Variants in CELSR1 observed in about 807,000 individuals in gnomAD.
CELSR1 encodes cadherin EGF LAG seven-pass G-type receptor 1.
CELSR1 carries 110 observed loss-of-function variants against 249.1 expected under a neutral mutation model. That is an observed-to-expected ratio of 0.44 (90% CI 0.38 to 0.52). The LOEUF is 0.52. CELSR1 is among the 20% of genes least tolerant of loss of function. CELSR1 has a pLI of 0.00. For synonymous variants in CELSR1, 2,113 were observed against 1,900.0 expected, an observed-to-expected ratio of 1.11 and a Z score of -2.92; for missense variants, 4,109 against 4,296.4, an observed-to-expected ratio of 0.96 and a Z score of 1.22.
At chr22:46,373,085 G>C (rs764709100) in intron 24 of CELSR1, 28 bp from the exon 25 acceptor site, 1 of 1,556,224 alleles carries the variant, frequency 6.4e-7, no homozygotes, top group South Asian at 1.2e-5. Context: ...GCTCAGCAAG[G>C]GCCCCTGCAT....
chr22:46,396,799 C>T lies in CELSR1; in HGVS notation c.5702-53G>A, dbSNP rs559532912. On this transcript the variant is annotated intron_variant, in intron 12 of 34. Transcript: ENST00000674500. This position sits in a 1 kb window ranked among gnomAD's most constrained non-coding sequence, Gnocchi z 6.4. Reference sequence around the variant, plus strand: ...CACCCACAATCCACGAGACCTTCCACGTTAAAATATCTGGAGCAACCTGTC... The same window carrying T: ...CACCCACAATCCACGAGACCTTCCATGTTAAAATATCTGGAGCAACCTGTC... 26 of 1,586,312 alleles carry T rather than the reference C, an allele frequency of 1.6e-5. No individual in the cohort carries two copies. The highest frequency in any genetic ancestry group is 1.7e-4 in the Middle Eastern group (1 of 6,028).
chr22:46,453,777 T>C (rs2079913681), intron 2 of CELSR1, among the ~76,000 whole-genome samples: 1 of 152,142 alleles, frequency 6.6e-6, no homozygotes, highest in African/African-American at 2.4e-5. Context: ...TGGCCGGTTA[T>C]AAACAGCAGA....
intron 28 of CELSR1, 97 bp from the exon 29 acceptor site, chr22:46,367,215 C>T: frequency 2.1e-6 from 3 of 1,454,872 alleles, no homozygotes; most frequent in Non-Finnish European, 2.8e-6. Context: ...CTTGAGTGCA[C>T]ACAACATGTC....
intron 2 of CELSR1, chr22:46,462,761 G>A (rs2080046108): frequency 3.3e-6 from 1 of 300,560 alleles, no homozygotes. Flanking sequence ...GATGTGCGCT[G>A]AGATGCAGAG....
intron 1 of CELSR1, among the ~76,000 whole-genome samples, chr22:46,504,184 C>A (rs2080491745): frequency 6.6e-6 from 1 of 152,162 alleles, no homozygotes; most frequent in African/African-American, 2.4e-5. Flanking sequence ...GATAAGCAAT[C>A]TAACTGAAAC....
intron 2 of CELSR1, among the ~76,000 whole-genome samples, chr22:46,450,032 G>T (rs1250461113): frequency 6.6e-6 from 1 of 152,062 alleles, no homozygotes; most frequent in Admixed American, 6.5e-5. Flanking sequence ...TGGAGGCAGA[G>T]CCCCAGCCCT....
At position 46,377,052 on chromosome 22, in the gene CELSR1, T is replaced by A. The variant is rs117272906; in HGVS notation, c.7584+9A>T. 0.016 allele frequency: 25,696 copies of A among 1,611,818 alleles called. 264 individuals carry two copies. Among genetic ancestry groups the A allele is most frequent in the Non-Finnish European group, 0.019 (22,841 of 1,179,582 alleles). ...CCAGACAGTGGGGAGGGGAGCAGAGTGGCCATACCGGGTTTTCCGTCTGGT... is the reference window on the plus strand; with the variant it reads ...CCAGACAGTGGGGAGGGGAGCAGAGAGGCCATACCGGGTTTTCCGTCTGGT... On this transcript the variant is annotated intron_variant, in intron 24 of 34. Transcript: ENST00000674500.
chr22:46,364,808 CT>C, intron 32 of CELSR1, 72 bp from the exon 33 acceptor site: 3 of 1,441,444 alleles, frequency 2.1e-6, no homozygotes, highest in Non-Finnish European at 2.8e-6. Flanking sequence ...AGCCATGGGT[CT>C]GGTGGCTCTG....
In CELSR1 at chr22:46,409,732, G is replaced by T. The variant is rs746961962; in HGVS notation, c.5059+23C>A. ...CCTCCCAGGCCGCCGTGACCGGGGG[G>T]ATGGACGACGCCGGCCACTCACCTT... On this transcript the variant is annotated intron_variant, in intron 8 of 34. Transcript: ENST00000674500. The surrounding 1 kb of genome is among the most constrained non-coding windows in gnomAD (Gnocchi z 9.8). The T allele has an allele frequency of 6.8e-6, 11 of 1,610,960 alleles. No homozygotes were observed. In the South Asian group the frequency reaches 1.2e-4, roughly 18 times the overall value.
At position 46,401,879 on chromosome 22, in the gene CELSR1, G is replaced by A. The variant is rs1021623170; in HGVS notation, c.5227-1977C>T. ...AGGCGGGTGGATCACCTGAGGTCAGGAGTTTGAGACCAGCCTGACCAACAA... is the reference window on the plus strand; with the variant it reads ...AGGCGGGTGGATCACCTGAGGTCAGAAGTTTGAGACCAGCCTGACCAACAA... On this transcript the variant is annotated intron_variant, in intron 9 of 34. Transcript: ENST00000674500. This position sits in a 1 kb window ranked among gnomAD's most constrained non-coding sequence, Gnocchi z 4.7. Among the ~76,000 whole-genome samples the A allele has an allele frequency of 2.0e-5, 3 of 152,080 alleles. No individual in the cohort carries two copies. The highest frequency in any genetic ancestry group is 4.4e-5 in the Non-Finnish European group (3 of 68,012).
chr22:46,482,169 C>T (rs1396194774), intron 1 of CELSR1, among the ~76,000 whole-genome samples: 2 of 152,240 alleles, frequency 1.3e-5, no homozygotes, highest in African/African-American at 4.8e-5. Flanking sequence ...TCCCCAGAAG[C>T]TGTGACTGCG....
chr22:46,401,068 A>T lies in CELSR1; in HGVS notation c.5227-1166T>A, dbSNP rs2079206345. Among the ~76,000 whole-genome samples the T allele has an allele frequency of 6.6e-6, 1 of 152,192 alleles. No homozygotes were observed. Among genetic ancestry groups the T allele is most frequent in the African/African-American group, 2.4e-5 (1 of 41,450 alleles). On this transcript the variant is annotated intron_variant, in intron 9 of 34. Coordinates refer to ENST00000674500, the MANE Select transcript of CELSR1 (RefSeq NM_001378328.1). The surrounding 1 kb of genome is among the most constrained non-coding windows in gnomAD (Gnocchi z 4.7). ...ATCAATCGCTTCATGGAGGTCAAGT[A>T]AGGGAAGCGCCAAGAACAAGCCCCA... is the stretch of plus-strand genomic sequence containing the variant.
intron 1 of CELSR1, among the ~76,000 whole-genome samples, chr22:46,521,804 G>A (rs1445631323): frequency 6.6e-6 from 1 of 152,226 alleles, no homozygotes; most frequent in Admixed American, 6.5e-5. Flanking sequence ...GCAACAGAGT[G>A]AGACTGTGTC....
rs1412538608 is a variant in CELSR1 at position 46,434,505 on chromosome 22, G to C, written c.4523-1024C>G. On this transcript the variant is annotated intron_variant, in intron 4 of 34. Transcript: ENST00000674500. The surrounding 1 kb of genome is among the most constrained non-coding windows in gnomAD (Gnocchi z 4.9). The stretch of plus-strand genomic sequence containing the variant: ...CACCTCACAGAGCCCGGAGGGCTAT[G>C]GCCACCTCTCCCATGGTGGTTGGCT... 6.6e-6 allele frequency among the ~76,000 whole-genome samples: 1 copy of C among 152,224 alleles called. No homozygotes were observed. The highest frequency in any genetic ancestry group is 1.5e-5 in the Non-Finnish European group (1 of 68,024).
intron 12 of CELSR1, among the ~76,000 whole-genome samples, chr22:46,397,200 C>G (rs1194925783): frequency 6.6e-6 from 1 of 151,694 alleles, no homozygotes; most frequent in Admixed American, 6.6e-5. Flanking sequence ...GCCTAAGAAG[C>G]TCAAGTGATC....
intron 5 of CELSR1, among the ~76,000 whole-genome samples, chr22:46,422,144 C>T (rs975491961): frequency 1.3e-5 from 2 of 152,026 alleles, no homozygotes; most frequent in African/African-American, 2.4e-5. Context: ...CTCACTCTGT[C>T]GCCCAGGCTA....
intron 1 of CELSR1, among the ~76,000 whole-genome samples, chr22:46,504,387 A>C (rs2080493722): frequency 6.6e-6 from 1 of 151,762 alleles, no homozygotes; most frequent in Non-Finnish European, 1.5e-5. Flanking sequence ...GGTGGCAGGC[A>C]CCTGTAGTCC....
At chr22:46,483,279 CATTA>C (rs2080283720) in intron 1 of CELSR1, among the ~76,000 whole-genome samples, 1 of 151,268 alleles carries the variant, frequency 6.6e-6, no homozygotes, top group Non-Finnish European at 1.5e-5. Flanking sequence ...AATGATGAGA[CATTA>C]ATTAACATAA....
intron 5 of CELSR1, among the ~76,000 whole-genome samples, chr22:46,432,011 C>T (rs2079601479): frequency 6.6e-6 from 1 of 152,222 alleles, no homozygotes. Flanking sequence ...CGAGCAAGCA[C>T]TCAGCTCCCA....
Sources: allele counts gnomAD v4.1 joint callset (sites outside exome capture counted in the v4.1 genomes callset), GRCh38; gene constraint gnomAD v4.1.1; non-coding constraint Gnocchi (gnomAD v3.1); transcripts MANE v1.5; gene names NCBI Gene and HGNC (gene_info 2026-07-23, HGNC 2026-07-21).